VRK2: variants seen among roughly 807,000 people sequenced by gnomAD.
VRK2 encodes serine/threonine-protein kinase VRK2.
Under a neutral mutation model 57.6 loss-of-function variants are expected in VRK2, and 60 were observed. That is an observed-to-expected ratio of 1.04 (90% CI 0.85 to 1.29). VRK2 has a LOEUF of 1.29. Among genes scored for constraint, VRK2 ranks in the 50% most tolerant of loss-of-function variants. The probability of loss-of-function intolerance (pLI) is 0.00; values close to 1 mark genes in which losing one functional copy is unlikely to be tolerated. For synonymous variants in VRK2, 231 were observed against 199.2 expected (o/e 1.16, Z -1.35); for missense variants, 705 against 588.1 (o/e 1.20, Z -2.06).
At chr2:58,124,327 G>A (rs1331825590) in intron 8 of VRK2, among the ~76,000 whole-genome samples, 1 of 152,122 alleles carries the variant, frequency 6.6e-6, no homozygotes, top group East Asian at 1.9e-4. Flanking sequence ...CAATCAATAT[G>A]GTCAATGCAA....
chr2:58,043,833 A>C (rs1334038674), upstream of VRK2, among the ~76,000 whole-genome samples: 1 of 152,236 alleles, frequency 6.6e-6, no homozygotes, highest in African/African-American at 2.4e-5. Context: ...CTGTACCATC[A>C]ACAGCAATAT....
intron 7 of VRK2, among the ~76,000 whole-genome samples, chr2:58,103,573 A>G (rs562265502): frequency 1.3e-5 from 2 of 151,924 alleles, no homozygotes; most frequent in African/African-American, 4.8e-5. Context: ...AGAGACCAAT[A>G]CGAAAGTAGC....
intron 1 of VRK2, among the ~76,000 whole-genome samples, chr2:57,975,609 T>C (rs947854488): frequency 6.6e-6 from 1 of 151,950 alleles, no homozygotes; most frequent in East Asian, 1.9e-4. Flanking sequence ...ACTGCAAACA[T>C]AGCACCCAGT....
chr2:58,045,076 C>T (rs1291161251), upstream of VRK2, among the ~76,000 whole-genome samples: 1 of 152,156 alleles, frequency 6.6e-6, no homozygotes, highest in Non-Finnish European at 1.5e-5. Flanking sequence ...CGAAGACTGG[C>T]TAATTGTGAG....
At chr2:57,988,970 C>A (rs1417218493) in intron 1 of VRK2, among the ~76,000 whole-genome samples, 2 of 152,060 alleles carry the variant, frequency 1.3e-5, no homozygotes, top group Non-Finnish European at 2.9e-5. Flanking sequence ...TTTTTCCAAC[C>A]CAAGATACCT....
chr2:58,096,089 A>G (rs1390619316), intron 7 of VRK2, among the ~76,000 whole-genome samples: 5 of 152,092 alleles, frequency 3.3e-5, no homozygotes, highest in Admixed American at 6.6e-5. Flanking sequence ...ATGGTATAAT[A>G]TATTGCTGAG....
At chr2:58,154,904 C>A in intron 12 of VRK2, 1 of 576,692 alleles carries the variant, frequency 1.7e-6, no homozygotes, top group Non-Finnish European at 3.2e-6. Flanking sequence ...TATATTTCCC[C>A]TTGAGACTTT....
At chr2:58,148,956 A>G (rs570702231) in intron 12 of VRK2, among the ~76,000 whole-genome samples, 240 of 151,896 alleles carry the variant, frequency 1.6e-3, no homozygotes, top group Middle Eastern at 6.8e-3. Flanking sequence ...TTTCTTTCAA[A>G]AATGTATTGG....
chr2:57,933,879 T>C (rs1012240280), intron 1 of VRK2, among the ~76,000 whole-genome samples: 5 of 152,186 alleles, frequency 3.3e-5, no homozygotes, highest in Non-Finnish European at 5.9e-5. Context: ...ATTCTCTTTG[T>C]CTTTTGTGTA....
intron 2 of VRK2, among the ~76,000 whole-genome samples, chr2:58,052,066 C>A (rs1675826674): frequency 6.6e-6 from 1 of 152,016 alleles, no homozygotes; most frequent in Non-Finnish European, 1.5e-5. Context: ...AACACAGAAC[C>A]AAGTAAATTA....
intron 1 of VRK2, among the ~76,000 whole-genome samples, chr2:58,006,468 G>T (rs73942275): frequency 6.6e-6 from 1 of 151,992 alleles, no homozygotes; most frequent in Non-Finnish European, 1.5e-5. Flanking sequence ...ATATTGGAAC[G>T]GTCTAGAAGA....
In VRK2 at chr2:58,118,301, C is replaced by T. The variant is rs534500607; in HGVS notation, c.544-4800C>T. Among the ~76,000 whole-genome samples the T allele has an allele frequency of 1.5e-3, 224 of 152,326 alleles. 1 individual carries two copies. Among genetic ancestry groups the T allele is most frequent in the African/African-American group, 5.3e-3 (220 of 41,590 alleles). Reference sequence around the variant, plus strand: ...CCTGCGTGGTCTGACACCTTTGAAACGTGGGTGAATAATCAGAGAGGTGTC... The same window carrying T: ...CCTGCGTGGTCTGACACCTTTGAAATGTGGGTGAATAATCAGAGAGGTGTC... On this transcript the variant is annotated intron_variant, in intron 7 of 12. Transcript: ENST00000340157.
chr2:58,051,895 T>C (rs1187104601), intron 2 of VRK2, among the ~76,000 whole-genome samples: 1 of 152,188 alleles, frequency 6.6e-6, no homozygotes, highest in Admixed American at 6.5e-5. Flanking sequence ...AGTTCTTTCT[T>C]TGAATATGAA....
intron 2 of VRK2, among the ~76,000 whole-genome samples, chr2:58,077,779 T>G (rs760632454): frequency 5.3e-5 from 8 of 152,088 alleles, no homozygotes; most frequent in Non-Finnish European, 1.0e-4. Flanking sequence ...AGTTCTGTTG[T>G]TAGTGGGATA....
chr2:58,149,249 C>G lies in VRK2; in HGVS notation c.1182+2775C>G, dbSNP rs550279648. 2.2e-3 allele frequency among the ~76,000 whole-genome samples: 340 copies of G among 151,710 alleles called. 2 individuals are homozygous for G. The highest frequency in any genetic ancestry group is 7.8e-3 in the African/African-American group (322 of 41,480). ...TATACATCTTCCATTAAAATTATCT[C>G]TAAATATTTTTGATCCCATTTTAAG... On this transcript the variant is annotated intron_variant, in intron 12 of 12. Transcript: ENST00000340157.
At chr2:58,044,231 G>A (rs141245050), upstream of VRK2, among the ~76,000 whole-genome samples, 4 of 152,168 alleles carry the variant, frequency 2.6e-5, no homozygotes, top group East Asian at 7.7e-4. Flanking sequence ...CATCTTTGTG[G>A]TCACACGATG....
intron 1 of VRK2, among the ~76,000 whole-genome samples, chr2:58,017,147 G>T (rs1197015154): frequency 6.6e-6 from 1 of 152,174 alleles, no homozygotes; most frequent in East Asian, 1.9e-4. Context: ...TTGGTAAGAG[G>T]TGTCTTTTGA....
intron 2 of VRK2, among the ~76,000 whole-genome samples, chr2:58,056,636 C>G (rs903458757): frequency 1.3e-5 from 2 of 152,072 alleles, no homozygotes; most frequent in Non-Finnish European, 2.9e-5. Flanking sequence ...TCTCATCTTC[C>G]CATTCTGCAT....
intron 2 of VRK2, among the ~76,000 whole-genome samples, chr2:58,029,717 A>G (rs915638251): frequency 2.0e-5 from 3 of 152,108 alleles, no homozygotes; most frequent in Admixed American, 1.3e-4. Flanking sequence ...TTTTTATATC[A>G]GAATGTCTTT....
Sources: gnomAD v4.1 joint callset for allele counts (sites outside exome capture counted in the v4.1 genomes callset) on GRCh38, gnomAD v4.1.1 for gene constraint, MANE v1.5 for transcripts, NCBI Gene and HGNC (gene_info 2026-07-23, HGNC 2026-07-21) for gene names.